Variants in HMG20A observed in about 807,000 individuals in gnomAD.
HMG20A encodes high mobility group protein 20A.
A neutral mutation model predicts 43.9 loss-of-function variants in HMG20A; 17 were observed. The observed-to-expected ratio is 0.39, with a 90% CI of 0.27 to 0.58. HMG20A has a LOEUF of 0.58. HMG20A is among the 20% of genes least tolerant of loss of function. HMG20A has a pLI of 0.59. For synonymous variants in HMG20A, 132 were observed against 147.5 expected (o/e 0.89, Z 0.76); for missense variants, 341 against 438.2 (o/e 0.78, Z 1.98).
Position 77,458,423 on chromosome 15 carries a change from A to ACTAG in HMG20A, c.19_22dup (p.Ser8Ter). The ACTAG allele has an allele frequency of 6.2e-7, 1 of 1,612,804 alleles. No homozygotes were observed. The highest frequency in any genetic ancestry group is 8.5e-7 in the Non-Finnish European group (1 of 1,179,002). On this transcript the variant is annotated frameshift_variant, in exon 2 of 10. Transcript: ENST00000336216. LOFTEE classifies it high-confidence loss of function. ...TTTCAGAGAGATGGAAAACTTGATG[A>ACTAG]CTAGCTCCACCCTACCGCCCCTTTT...
downstream of HMG20A, among the ~76,000 whole-genome samples, chr15:77,490,046 T>C (rs2072964488): frequency 6.6e-6 from 1 of 151,536 alleles, no homozygotes; most frequent in South Asian, 2.1e-4. Flanking sequence ...GAGGTGGGAG[T>C]GGGCAGACCA....
Position 77,463,188 on chromosome 15 carries a change from A to G in HMG20A, c.90-1052A>G, listed in dbSNP as rs572239514. 1.2e-3 allele frequency among the ~76,000 whole-genome samples: 187 copies of G among 152,076 alleles called. 1 individual carries two copies. Among genetic ancestry groups the G allele is most frequent in the African/African-American group, 4.4e-3 (182 of 41,474 alleles). ...TAGTCTCCCTTTCTCCTTTTATACC[A>G]AGTTCTTTCTATCTGGAATCGTGTT... On this transcript the variant is annotated intron_variant, in intron 2 of 9. Transcript: ENST00000336216.
At chr15:77,502,608 G>A in the HMG20A span, among the ~76,000 whole-genome samples, 6 of 152,236 alleles carry the variant, frequency 3.9e-5, no homozygotes, top group African/African-American at 1.4e-4. Context: ...CGACAGAGAT[G>A]GTATCTGTTC....
chr15:77,475,705 G>A (rs2072848449), intron 6 of HMG20A, among the ~76,000 whole-genome samples: 1 of 152,210 alleles, frequency 6.6e-6, no homozygotes, highest in Non-Finnish European at 1.5e-5. Context: ...GGGATTGTGT[G>A]TCATTAAGTT....
intron 1 of HMG20A, among the ~76,000 whole-genome samples, chr15:77,427,151 T>C (rs1452607772): frequency 1.3e-5 from 2 of 152,004 alleles, no homozygotes; most frequent in African/African-American, 4.8e-5. Flanking sequence ...GATGGGAGAA[T>C]AGAGACTAGA....
At chr15:77,451,691 A>C (rs1312590093) in intron 1 of HMG20A, among the ~76,000 whole-genome samples, 1 of 152,210 alleles carries the variant, frequency 6.6e-6, no homozygotes, top group African/African-American at 2.4e-5. Context: ...ACAAAAAACA[A>C]GATAAAATAA....
Position 77,472,034 on chromosome 15 carries a change from T to C in HMG20A, c.615+220T>C, listed in dbSNP as rs1316103516. ...ACAGCCCCTAACCTCAATCCTTTCCTGTGATCTGAGAATTTTATTGGCTTT... is the reference window on the plus strand; with the variant it reads ...ACAGCCCCTAACCTCAATCCTTTCCCGTGATCTGAGAATTTTATTGGCTTT... On this transcript the variant is annotated intron_variant, in intron 6 of 9. Coordinates refer to ENST00000336216, the MANE Select transcript of HMG20A (RefSeq NM_001304504.2). Among the ~76,000 whole-genome samples, 5 of 152,136 alleles carry C rather than the reference T, an allele frequency of 3.3e-5. No homozygotes were observed. In the East Asian group the frequency reaches 9.6e-4, roughly 29 times the overall value.
At chr15:77,433,692 A>G (rs1461946094) in intron 1 of HMG20A, among the ~76,000 whole-genome samples, 1 of 145,572 alleles carries the variant, frequency 6.9e-6, no homozygotes, top group African/African-American at 2.8e-5. Flanking sequence ...AATAGAATCA[A>G]ACAAATCAAA....
intron 2 of HMG20A, among the ~76,000 whole-genome samples, chr15:77,460,135 GAT>G (rs2072692033): frequency 6.6e-6 from 1 of 152,160 alleles, no homozygotes; most frequent in East Asian, 1.9e-4. Context: ...GGAGACAGAT[GAT>G]AGCCTGAAGA....
intron 1 of HMG20A, chr15:77,447,887 T>C (rs1567396274): frequency 6.6e-6 from 1 of 152,198 alleles, no homozygotes; most frequent in Non-Finnish European, 1.5e-5. Flanking sequence ...ATTTCTTTTG[T>C]GGCCAAAAAA....
chr15:77,509,590 G>GTGTT, the HMG20A span, among the ~76,000 whole-genome samples: 1 of 146,636 alleles, frequency 6.8e-6, no homozygotes, highest in Admixed American at 6.9e-5. Flanking sequence ...GTGTGTGTGT[G>GTGTT]TGTGTGTGTG....
chr15:77,501,054 C>A, the HMG20A span, among the ~76,000 whole-genome samples: 2 of 152,144 alleles, frequency 1.3e-5, no homozygotes, highest in African/African-American at 2.4e-5. Context: ...CCACTTGTTA[C>A]GTATGCCTAT....
Position 77,484,957 on chromosome 15 carries a change from C to T in HMG20A, c.*1994C>T, listed in dbSNP as rs539992343. The T allele has an allele frequency of 6.6e-6, 1 of 152,332 alleles. No individual in the cohort carries two copies. Among genetic ancestry groups the T allele is most frequent in the Non-Finnish European group, 1.5e-5 (1 of 68,036 alleles). The allele number at this position is 152,332 out of a possible 1,614,324, so 9.4% of individuals were successfully genotyped here. On this transcript the variant is annotated 3_prime_UTR_variant, in exon 10 of 10. Coordinates refer to ENST00000336216, the MANE Select transcript of HMG20A (RefSeq NM_001304504.2). ...GTTCAGTTTTGTGCAGCATTGCTAGCACTGCTTTTGTGACCAGAAAAGGCC... is the reference window on the plus strand; with the variant it reads ...GTTCAGTTTTGTGCAGCATTGCTAGTACTGCTTTTGTGACCAGAAAAGGCC...
chr15:77,465,881 T>C lies in HMG20A; in HGVS notation c.238-1214T>C, dbSNP rs541450391. On this transcript the variant is annotated intron_variant, in intron 3 of 9. Coordinates refer to ENST00000336216, the MANE Select transcript of HMG20A (RefSeq NM_001304504.2). ...TCTGAAATAAGAATTCTTGTATCCA[T>C]GAAATATTAACTGATACGGCTGTAT... is the stretch of plus-strand genomic sequence containing the variant. Among the ~76,000 whole-genome samples the C allele has an allele frequency of 2.4e-4, 36 of 152,340 alleles. 2 individuals are homozygous for C. In the South Asian group the frequency reaches 6.6e-3, roughly 28 times the overall value.
At chr15:77,519,484 G>A in the HMG20A span, among the ~76,000 whole-genome samples, 1 of 152,186 alleles carries the variant, frequency 6.6e-6, no homozygotes, top group Non-Finnish European at 1.5e-5. Context: ...ATTAAGAGGT[G>A]GGGCCTTTTG....
chr15:77,442,826 G>A (rs910357273), intron 1 of HMG20A, among the ~76,000 whole-genome samples: 4 of 151,930 alleles, frequency 2.6e-5, no homozygotes, highest in Non-Finnish European at 2.9e-5. Context: ...TTAGCTCTAC[G>A]TGTAGCCATA....
intron 1 of HMG20A, among the ~76,000 whole-genome samples, chr15:77,442,600 C>T (rs1226106469): frequency 6.6e-6 from 1 of 152,212 alleles, no homozygotes; most frequent in Non-Finnish European, 1.5e-5. Context: ...GACATGCGTA[C>T]TCTTCTCTGC....
intron 4 of HMG20A, among the ~76,000 whole-genome samples, chr15:77,469,429 C>T (rs1405448557): frequency 6.6e-6 from 1 of 151,920 alleles, no homozygotes; most frequent in Non-Finnish European, 1.5e-5. Context: ...TTACTGCAAC[C>T]TTGACCTCCT....
chr15:77,465,395 TTTTTG>T (rs1180889736), intron 3 of HMG20A, among the ~76,000 whole-genome samples: 1 of 132,602 alleles, frequency 7.5e-6, no homozygotes, highest in Non-Finnish European at 1.8e-5. Flanking sequence ...GTTCTGTTGT[TTTTTG>T]TTTTTTTTTT....
Sources: gnomAD v4.1 joint callset for allele counts (sites outside exome capture counted in the v4.1 genomes callset) on GRCh38, gnomAD v4.1.1 for gene constraint, MANE v1.5 for transcripts, NCBI Gene and HGNC (gene_info 2026-07-23, HGNC 2026-07-21) for gene names.